SGCD: variants seen among roughly 807,000 people sequenced by gnomAD.
The protein encoded by SGCD is delta-sarcoglycan.
In SGCD, 18 loss-of-function variants were observed where a neutral mutation model predicts 36.6. That is an observed-to-expected ratio of 0.49 (90% CI 0.34 to 0.73). The LOEUF (loss-of-function observed/expected upper bound fraction) is 0.73. Among genes scored for constraint, SGCD ranks in the 30% least tolerant of loss-of-function variants. The pLI is 0.01. For synonymous variants in SGCD, 133 were observed against 130.6 expected, an observed-to-expected ratio of 1.02 and a Z score of -0.12; for missense variants, 387 against 346.7, an observed-to-expected ratio of 1.12 and a Z score of -0.92.
the SGCD span, among the ~76,000 whole-genome samples, chr5:155,802,923 A>G: frequency 6.6e-5 from 10 of 152,162 alleles, no homozygotes; most frequent in Non-Finnish European, 1.0e-4. Context: ...GTCTTTTTCC[A>G]TAAAGGAAAG....
the SGCD span, among the ~76,000 whole-genome samples, chr5:155,773,210 C>T: frequency 6.6e-6 from 1 of 152,080 alleles, no homozygotes; most frequent in East Asian, 1.9e-4. Flanking sequence ...GAAGTAGTAC[C>T]CTTTAAGCAG....
At chr5:156,446,689 G>C (rs1040688569) in intron 3 of SGCD, among the ~76,000 whole-genome samples, 2 of 152,132 alleles carry the variant, frequency 1.3e-5, no homozygotes, top group African/African-American at 2.4e-5. Context: ...CTGAGTCCAA[G>C]AAAAGGTGGG....
chr5:156,011,700 T>C (rs955734283), intron 1 of SGCD, among the ~76,000 whole-genome samples: 13 of 152,160 alleles, frequency 8.5e-5, no homozygotes, highest in African/African-American at 2.7e-4. Context: ...GGCCTCTGAA[T>C]GTGCTGGGAT....
intron 6 of SGCD, among the ~76,000 whole-genome samples, chr5:156,600,656 G>A (rs1003738015): frequency 6.6e-6 from 1 of 152,228 alleles, no homozygotes; most frequent in East Asian, 1.9e-4. Flanking sequence ...ACATCTCTTT[G>A]ATGTATTGAT....
chr5:155,741,721 C>G, the SGCD span, among the ~76,000 whole-genome samples: 8 of 132,196 alleles, frequency 6.1e-5, no homozygotes, highest in Non-Finnish European at 1.1e-4. Flanking sequence ...GGGACTAAGT[C>G]TTGCTCTGTC....
At chr5:155,879,724 C>T (rs192511252) in intron 1 of SGCD, among the ~76,000 whole-genome samples, 11 of 152,210 alleles carry the variant, frequency 7.2e-5, no homozygotes, top group South Asian at 2.1e-4. Flanking sequence ...ATAATTATAA[C>T]ATCATAAAGG....
chr5:156,588,112 A>T (rs1002428490), intron 4 of SGCD, among the ~76,000 whole-genome samples: 1 of 151,768 alleles, frequency 6.6e-6, no homozygotes, highest in Non-Finnish European at 1.5e-5. Flanking sequence ...TGTGTCAGAG[A>T]TTCATCCTTT....
At chr5:155,843,243 T>C in the SGCD span, among the ~76,000 whole-genome samples, 1 of 152,142 alleles carries the variant, frequency 6.6e-6, no homozygotes, top group African/African-American at 2.4e-5. Flanking sequence ...AATGAATAAT[T>C]GTTCATTAAT....
At chr5:156,632,295 T>TG (rs1283954723) in intron 6 of SGCD, among the ~76,000 whole-genome samples, 1 of 150,834 alleles carries the variant, frequency 6.6e-6, no homozygotes, top group Non-Finnish European at 1.5e-5. Context: ...ATCCTGGGGG[T>TG]GGGGGAGGGC....
the SGCD span, among the ~76,000 whole-genome samples, chr5:155,822,270 G>A: frequency 6.6e-6 from 1 of 152,104 alleles, no homozygotes; most frequent in Non-Finnish European, 1.5e-5. Context: ...TTTTAAAAAG[G>A]TGGCCCCTCT....
At chr5:156,079,441 C>A (rs912476744) in intron 1 of SGCD, among the ~76,000 whole-genome samples, 8 of 152,270 alleles carry the variant, frequency 5.3e-5, no homozygotes, top group Admixed American at 2.0e-4. Flanking sequence ...TAACTCATTC[C>A]AGCATTAACT....
chr5:155,749,749 A>G, the SGCD span, among the ~76,000 whole-genome samples: 4 of 152,182 alleles, frequency 2.6e-5, no homozygotes, highest in Non-Finnish European at 4.4e-5. Context: ...TCATGGGTTG[A>G]CTTGGTGTAC....
rs189771523 is a variant in SGCD at position 155,896,619 on chromosome 5, C to T, written c.-282+26195C>T. ...TGTAATCATGCCAATGCAATCCAGC[C>T]TGGGTGACAGAGAGAGACCGTGTCT... On this transcript the variant is annotated intron_variant, in intron 1 of 9. Transcript: ENST00000517913. 8.0e-5 allele frequency among the ~76,000 whole-genome samples: 12 copies of T among 150,938 alleles called. No homozygotes were observed. The Admixed American group carries it at 8.0e-4, about 10-fold the overall frequency.
At chr5:156,106,430 T>C (rs1355152881) in intron 1 of SGCD, among the ~76,000 whole-genome samples, 3 of 152,220 alleles carry the variant, frequency 2.0e-5, no homozygotes, top group African/African-American at 7.2e-5. Flanking sequence ...CTCCCTGAGA[T>C]GTGAAGCAGG....
chr5:155,795,613 A>G, the SGCD span, among the ~76,000 whole-genome samples: 19 of 152,308 alleles, frequency 1.2e-4, 1 homozygote, highest in East Asian at 3.5e-3. Flanking sequence ...GTACAATAAA[A>G]CATGAATGAT....
chr5:155,822,155 C>G, the SGCD span, among the ~76,000 whole-genome samples: 1 of 152,138 alleles, frequency 6.6e-6, no homozygotes, highest in Non-Finnish European at 1.5e-5. Context: ...TAAACAGGAA[C>G]AGTGGATTTA....
In SGCD at chr5:156,052,283, G is replaced by A. The variant is rs372817013; in HGVS notation, c.-281-65595G>A. Among the ~76,000 whole-genome samples the A allele has an allele frequency of 6.2e-5, 9 of 146,230 alleles. 1 individual carries two copies. The South Asian group carries it at 2.0e-3, about 32-fold the overall frequency. ...CTGGCTGTCTCAGTGTCGGGGGTAA[G>A]GGGTGAAGAGTTTGGTGTGTTCAAG... is the stretch of plus-strand genomic sequence containing the variant. On this transcript the variant is annotated intron_variant, in intron 1 of 9. Coordinates refer to the SGCD transcript ENST00000517913.
chr5:155,774,393 TG>T, the SGCD span, among the ~76,000 whole-genome samples: 1 of 152,166 alleles, frequency 6.6e-6, no homozygotes, highest in Non-Finnish European at 1.5e-5. Context: ...GTCCTTGTTG[TG>T]GTTTCCTACT....
At chr5:155,955,251 T>A (rs967080187) in intron 1 of SGCD, among the ~76,000 whole-genome samples, 1 of 152,106 alleles carries the variant, frequency 6.6e-6, no homozygotes, top group Non-Finnish European at 1.5e-5. Context: ...ACACACAAAA[T>A]TAACCATGAC....
Sources: gnomAD v4.1 joint callset for allele counts (sites outside exome capture counted in the v4.1 genomes callset) on GRCh38, gnomAD v4.1.1 for gene constraint, MANE v1.5 for transcripts, NCBI Gene and HGNC (gene_info 2026-07-23, HGNC 2026-07-21) for gene names.